Variants in STAU2 observed in about 807,000 individuals in gnomAD.
The protein encoded by STAU2 is staufen double-stranded RNA binding protein 2.
STAU2 carries 20 observed loss-of-function variants against 65.9 expected under a neutral mutation model. That is an observed-to-expected ratio of 0.30 (90% confidence interval 0.21 to 0.44). The LOEUF is 0.44. Ranked by LOEUF, STAU2 falls within the 20% of genes least tolerant of loss-of-function variation. STAU2 has a pLI of 1.00. For missense variants in STAU2, 558 were observed against 683.9 expected (o/e 0.82, Z 2.05); for synonymous variants, 232 against 233.9 (o/e 0.99, Z 0.07).
At chr8:73,573,472 T>C (rs933047558) in intron 12 of STAU2, among the ~76,000 whole-genome samples, 6 of 152,204 alleles carry the variant, frequency 3.9e-5, no homozygotes, top group Non-Finnish European at 8.8e-5. Context: ...AGAACAAAGC[T>C]GGAGGCATCA....
intron 6 of STAU2, among the ~76,000 whole-genome samples, chr8:73,619,668 GA>G (rs1813087301): frequency 2.0e-5 from 3 of 152,196 alleles, no homozygotes; most frequent in African/African-American, 7.2e-5. Context: ...TAAGCACCTG[GA>G]AAGGGTAAGT....
intron 13 of STAU2, among the ~76,000 whole-genome samples, chr8:73,462,793 AAT>A (rs1819440241): frequency 6.6e-6 from 1 of 152,144 alleles, no homozygotes; most frequent in African/African-American, 2.4e-5. Context: ...GATATGCCAA[AAT>A]ATGTGTTAGT....
At chr8:73,646,027 G>A (rs1188366265) in intron 6 of STAU2, among the ~76,000 whole-genome samples, 1 of 152,068 alleles carries the variant, frequency 6.6e-6, no homozygotes, top group African/African-American at 2.4e-5. Context: ...AAAATGAAAG[G>A]CAAGCAGATC....
intron 12 of STAU2, among the ~76,000 whole-genome samples, chr8:73,567,622 A>G (rs1404778218): frequency 6.6e-6 from 1 of 150,792 alleles, no homozygotes; most frequent in Non-Finnish European, 1.5e-5. Flanking sequence ...ATCTGTGCTC[A>G]CTGCAACCTC....
At chr8:73,672,097 AGTG>A (rs1817725204) in intron 6 of STAU2, 2 of 152,208 alleles carry the variant, frequency 1.3e-5, no homozygotes, top group East Asian at 1.9e-4. Flanking sequence ...GTGAAAAGAG[AGTG>A]CTTGTTTTGC....
intron 11 of STAU2, among the ~76,000 whole-genome samples, chr8:73,586,878 C>T (rs566062540): frequency 1.3e-5 from 2 of 151,974 alleles, no homozygotes; most frequent in African/African-American, 4.8e-5. Flanking sequence ...AAAAGAAAAA[C>T]CACAAGACCA....
intron 6 of STAU2, among the ~76,000 whole-genome samples, chr8:73,668,730 T>A (rs1196777017): frequency 1.3e-5 from 2 of 150,852 alleles, no homozygotes; most frequent in African/African-American, 4.9e-5. Context: ...ATCTTGGGCA[T>A]AATAAAAGGA....
At chr8:73,700,145 T>C (rs1037150542) in intron 4 of STAU2, among the ~76,000 whole-genome samples, 8 of 151,946 alleles carry the variant, frequency 5.3e-5, no homozygotes, top group Admixed American at 5.2e-4. Flanking sequence ...AACCCTCAAA[T>C]AACTGGGCAT....
At chr8:73,654,671 T>A (rs1400348787) in intron 6 of STAU2, among the ~76,000 whole-genome samples, 4 of 68,402 alleles carry the variant, frequency 5.8e-5, no homozygotes, top group Non-Finnish European at 1.1e-4. Flanking sequence ...AGAACTCTTT[T>A]AATTATCAAA....
At chr8:73,734,528 G>A (rs1806294158) in intron 3 of STAU2, among the ~76,000 whole-genome samples, 1 of 152,154 alleles carries the variant, frequency 6.6e-6, no homozygotes, top group Admixed American at 6.6e-5. Flanking sequence ...GGGCACGGTG[G>A]CTCACGCCTG....
intron 5 of STAU2, among the ~76,000 whole-genome samples, 190 bp downstream of exon 5, chr8:73,688,464 C>A (rs1819100169): frequency 6.6e-6 from 1 of 150,858 alleles, no homozygotes; most frequent in Non-Finnish European, 1.5e-5. Context: ...ACGCACCAAG[C>A]CTCCTTCAGT....
intron 13 of STAU2, among the ~76,000 whole-genome samples, chr8:73,434,093 T>TG (rs1817522687): frequency 6.6e-6 from 1 of 151,802 alleles, no homozygotes; most frequent in Non-Finnish European, 1.5e-5. Context: ...CACAAGTGCT[T>TG]AAAGTCAGAG....
intron 13 of STAU2, among the ~76,000 whole-genome samples, chr8:73,469,465 T>C (rs1819853296): frequency 1.0e-5 from 1 of 98,528 alleles, no homozygotes; most frequent in African/African-American, 4.3e-5. Context: ...AAAATATATA[T>C]ATATATTTAA....
rs761972571 is a variant in STAU2 at position 73,609,953 on chromosome 8, AT to A, written c.891+3790del. 3.9e-5 allele frequency among the ~76,000 whole-genome samples: 6 copies of A among 152,278 alleles called. No homozygotes were observed. The East Asian group carries it at 7.7e-4, about 20-fold the overall frequency. On this transcript the variant is annotated intron_variant, in intron 9 of 14. Transcript: ENST00000524300. ...GAAAAGAATCAGATACATAAATCCA[AT>A]TTAGATAATGATGGAGTTCAGTGTA...
At chr8:73,473,065 C>T (rs901437730) in intron 13 of STAU2, among the ~76,000 whole-genome samples, 14 of 152,102 alleles carry the variant, frequency 9.2e-5, no homozygotes, top group Admixed American at 2.6e-4. Context: ...CCAAGGTGCA[C>T]GCCAGCATGA....
chr8:73,609,155 G>A (rs1812253643), intron 9 of STAU2, among the ~76,000 whole-genome samples: 1 of 152,074 alleles, frequency 6.6e-6, no homozygotes, highest in Admixed American at 6.5e-5. Flanking sequence ...AATAGGTAGT[G>A]CAGAGCATAC....
chr8:73,577,359 G>A (rs1475174980), intron 12 of STAU2, among the ~76,000 whole-genome samples: 2 of 150,566 alleles, frequency 1.3e-5, no homozygotes, highest in Non-Finnish European at 2.9e-5. Context: ...CCCGGGAGGC[G>A]AAGCTTGCAG....
At chr8:73,533,190 G>A (rs1805941449) in intron 13 of STAU2, among the ~76,000 whole-genome samples, 1 of 152,124 alleles carries the variant, frequency 6.6e-6, no homozygotes, top group African/African-American at 2.4e-5. Flanking sequence ...TAAAATGTGA[G>A]CAACCAATCT....
chr8:73,450,169 C>T (rs1252775845), intron 13 of STAU2, among the ~76,000 whole-genome samples: 1 of 152,054 alleles, frequency 6.6e-6, no homozygotes, highest in African/African-American at 2.4e-5. Flanking sequence ...TCTTTAGGCA[C>T]AATATTAGAA....
Sources: allele counts gnomAD v4.1 joint callset (sites outside exome capture counted in the v4.1 genomes callset), GRCh38; gene constraint gnomAD v4.1.1; transcripts MANE v1.5; gene names NCBI Gene and HGNC (gene_info 2026-07-23, HGNC 2026-07-21).